Variants in RALGAPB observed in about 807,000 individuals in gnomAD.
The protein encoded by RALGAPB is ral GTPase-activating protein subunit beta.
A neutral mutation model predicts 161.1 loss-of-function variants in RALGAPB; 25 were observed. The observed-to-expected ratio is 0.16, with a 90% CI of 0.11 to 0.22. RALGAPB has a LOEUF of 0.22. Ranked by LOEUF, RALGAPB falls within the 10% of genes least tolerant of loss-of-function variation. The pLI is 1.00. For missense variants in RALGAPB, 1,391 were observed against 1,815.2 expected (o/e 0.77, Z 4.25); for synonymous variants, 629 against 626.1 (o/e 1.00, Z -0.07).
chr20:38,497,551 A>T (rs754567413), intron 4 of RALGAPB, 35 bp downstream of exon 4: 1 of 1,577,470 alleles, frequency 6.3e-7, no homozygotes, highest in South Asian at 1.2e-5. Context: ...TTTATTTCTG[A>T]GCTCCAAATA....
chr20:38,516,287 A>T lies in RALGAPB; in HGVS notation c.968A>T (p.Asn323Ile). The change falls in exon 7 of 30, where the codon AAT becomes ATT. Residue 323 changes from asparagine to isoleucine, a missense_variant. By Grantham distance (149) the Asn-to-Ile change is moderately radical. Transcript: ENST00000262879. ...LNVSGMPQEL[N>I]QYPCLKHLPQ... is the part of the protein sequence containing the mutation. ...GTGAGCGGAATGCCGCAAGAATTGA[A>T]TCAGTATCCCTGCCTTAAACATCTG... is the stretch of plus-strand genomic sequence containing the variant. The T allele has an allele frequency of 6.2e-7, 1 of 1,614,030 alleles. No homozygotes were observed. The highest frequency in any genetic ancestry group is 1.1e-5 in the South Asian group (1 of 91,046).
chr20:38,546,301 C>G lies in RALGAPB; in HGVS notation c.2773C>G (p.Leu925Val). The G allele has an allele frequency of 1.2e-6, 2 of 1,614,126 alleles. No homozygotes were observed. The highest frequency in any genetic ancestry group is 1.7e-6 in the Non-Finnish European group (2 of 1,179,996). Residue 925 changes from leucine to valine, a missense_variant, in exon 19 of 30, where the codon CTT becomes GTT. Leu to Val is a conservative substitution (Grantham distance 32). Transcript: ENST00000262879. ...SPSGPASPCSLVNETTLIKYS... is the reference protein window; with the variant it reads ...SPSGPASPCSVVNETTLIKYS... ...TAGTGGTCCTGCCTCTCCTTGTAGT[C>G]TTGTGAATGAGACCACTTTGATTAA...
intron 19 of RALGAPB, chr20:38,546,727 T>G (rs1001682790): frequency 1.4e-4 from 48 of 331,332 alleles, no homozygotes; most frequent in African/African-American, 9.0e-4. Context: ...TCTTCCCCCT[T>G]GAACTTCGGA....
intron 10 of RALGAPB, among the ~76,000 whole-genome samples, chr20:38,522,234 T>A (rs146021650): frequency 6.6e-6 from 1 of 152,238 alleles, no homozygotes; most frequent in Non-Finnish European, 1.5e-5. Flanking sequence ...GCTGGACTTA[T>A]AAAGGATGAG....
chr20:38,515,367 G>T (rs1600912512), intron 6 of RALGAPB, among the ~76,000 whole-genome samples: 1 of 152,280 alleles, frequency 6.6e-6, no homozygotes, highest in South Asian at 2.1e-4. Flanking sequence ...TAGTTCTTTT[G>T]CCTTGTAGCT....
chr20:38,562,789 A>T, intron 24 of RALGAPB, 92 bp downstream of exon 24: 10 of 1,384,982 alleles, frequency 7.2e-6, no homozygotes, highest in Non-Finnish European at 9.7e-6. Flanking sequence ...TAGTCTTGTT[A>T]AAAATACAAA....
At chr20:38,490,011 CTT>C (rs1279117242) in intron 2 of RALGAPB, among the ~76,000 whole-genome samples, 15 of 140,504 alleles carry the variant, frequency 1.1e-4, no homozygotes, top group Non-Finnish European at 7.8e-5. Context: ...TGGAATTATA[CTT>C]TTTTTTTTTT....
intron 6 of RALGAPB, among the ~76,000 whole-genome samples, chr20:38,513,646 CAAA>C (rs552989712): frequency 3.3e-5 from 3 of 91,738 alleles, no homozygotes; most frequent in Admixed American, 1.2e-4. Context: ...AAGACTGTCT[CAAA>C]AAAAAAAAAA....
chr20:38,546,708 G>T (rs80179514), intron 19 of RALGAPB: 9,711 of 372,092 alleles, frequency 0.026, 899 homozygotes, highest in African/African-American at 0.18. Flanking sequence ...GTTTATCTTT[G>T]TCACTTTTTC....
intron 17 of RALGAPB, 26 bp from the exon 18 acceptor site, chr20:38,541,015 A>G: frequency 3.7e-6 from 6 of 1,608,442 alleles, no homozygotes; most frequent in Non-Finnish European, 5.1e-6. Flanking sequence ...GTGTTCTAAA[A>G]ATTGATCTGC....
chr20:38,493,190 C>A, intron 3 of RALGAPB, 58 bp downstream of exon 3: 2 of 1,381,314 alleles, frequency 1.4e-6, no homozygotes, highest in Non-Finnish European at 2.0e-6. Flanking sequence ...TATTCATAAA[C>A]GTTACTATAG....
intron 5 of RALGAPB, among the ~76,000 whole-genome samples, chr20:38,505,636 AT>A (rs112744319): frequency 0.073 from 11,115 of 152,190 alleles, 1,414 homozygotes; most frequent in African/African-American, 0.25. Flanking sequence ...AAATATTAAT[AT>A]TTTTAAATTA....
At chr20:38,532,914 C>A in intron 15 of RALGAPB, 55 bp downstream of exon 15, 2 of 1,534,116 alleles carry the variant, frequency 1.3e-6, no homozygotes, top group African/African-American at 1.4e-5. Flanking sequence ...TTAATGCTTA[C>A]ATTTATAAAA....
Position 38,492,986 on chromosome 20 carries a change from G to A in RALGAPB, c.243G>A (p.Glu81=), listed in dbSNP as rs1473899966. 1 of 1,613,000 alleles carries A rather than the reference G, an allele frequency of 6.2e-7. No homozygotes were observed. Among genetic ancestry groups the A allele is most frequent in the East Asian group, 2.2e-5 (1 of 44,768 alleles). The part of the protein sequence containing the change: ...CYGLTLPLDG[E]TVKYCVDVYT... ...GACTGACCCTTCCATTGGATGGAGA[G>A]ACTGTAAAATATTGCGTTGATGTAT... The change falls in exon 3 of 30, where the codon GAG becomes GAA. Residue 81 remains glutamate (E), a synonymous_variant. Coordinates refer to ENST00000262879, the MANE Select transcript of RALGAPB (RefSeq NM_020336.4).
At chr20:38,520,406 T>C (rs1250299169) in intron 9 of RALGAPB, 1 of 217,098 alleles carries the variant, frequency 4.6e-6, no homozygotes, top group Non-Finnish European at 7.8e-6. Flanking sequence ...TTTCTGTGTT[T>C]TGAATGGGGA....
intron 18 of RALGAPB, among the ~76,000 whole-genome samples, chr20:38,542,415 G>A (rs2086999970): frequency 6.6e-6 from 1 of 152,088 alleles, no homozygotes; most frequent in African/African-American, 2.4e-5. Context: ...AATGCTTTCT[G>A]TCATTTAGTC....
At chr20:38,570,140 C>G in intron 27 of RALGAPB, 144 bp downstream of exon 27, 2 of 602,130 alleles carry the variant, frequency 3.3e-6, no homozygotes, top group Non-Finnish European at 5.8e-6. Flanking sequence ...TACCCCAGCT[C>G]CACTACTCAG....
intron 20 of RALGAPB, 65 bp downstream of exon 20, chr20:38,548,860 C>T: frequency 2.3e-6 from 3 of 1,290,278 alleles, no homozygotes; most frequent in Non-Finnish European, 3.4e-6. Context: ...GGTAACATTC[C>T]AACAGAAGAC....
rs2087659918 is a variant in RALGAPB at position 38,558,276 on chromosome 20, TTTC to T, written c.3373-13_3373-11del. On this transcript the variant is annotated splice_polypyrimidine_tract_variant and intron_variant, in intron 22 of 29. Coordinates refer to ENST00000262879, the MANE Select transcript of RALGAPB (RefSeq NM_020336.4). ...AAAGAAAATAGGTAATAATTGCTCC[TTTC>T]TTCTTTTGGTGGCAGGAACCTGCAA... 6.7e-7 allele frequency: 1 copy of T among 1,487,566 alleles called. No homozygotes were observed. The highest frequency in any genetic ancestry group is 9.0e-7 in the Non-Finnish European group (1 of 1,110,894). The allele number at this position is 1,487,566 out of a possible 1,614,324, so 92.1% of individuals were successfully genotyped here.
Sources: gnomAD v4.1 joint callset for allele counts (sites outside exome capture counted in the v4.1 genomes callset) on GRCh38, gnomAD v4.1.1 for gene constraint, MANE v1.5 for transcripts, NCBI Gene and HGNC (gene_info 2026-07-23, HGNC 2026-07-21) for gene names.